The following EXT1 variants were observed in gnomAD, a reference collection of about 807,000 sequenced individuals.
The protein encoded by EXT1 is exostosin glycosyltransferase 1.
EXT1 carries 20 observed loss-of-function variants against 82.5 expected under a neutral mutation model. That is an observed-to-expected ratio of 0.24 (90% CI 0.17 to 0.35). The LOEUF (loss-of-function observed/expected upper bound fraction) is 0.35, where lower values mean the gene tolerates loss of function less well. Among genes scored for constraint, EXT1 ranks in the 10% least tolerant of loss-of-function variants. The pLI is 1.00. For missense variants in EXT1, 757 were observed against 936.5 expected (o/e 0.81, Z 2.50); for synonymous variants, 348 against 350.8 (o/e 0.99, Z 0.09).
intron 1 of EXT1, among the ~76,000 whole-genome samples, chr8:117,912,979 T>G (rs1011301231): frequency 3.9e-5 from 6 of 152,068 alleles, no homozygotes; most frequent in Non-Finnish European, 8.8e-5. Context: ...ATCCCAGCAC[T>G]TTGGGAGGCT....
chr8:117,973,821 G>T (rs1586318519), intron 1 of EXT1, among the ~76,000 whole-genome samples: 1 of 89,210 alleles, frequency 1.1e-5, no homozygotes, highest in Admixed American at 1.1e-4. Flanking sequence ...GAAAGGAAAG[G>T]AAAGGAAAGG....
At chr8:117,879,679 C>T (rs1813028596) in intron 1 of EXT1, among the ~76,000 whole-genome samples, 1 of 152,122 alleles carries the variant, frequency 6.6e-6, no homozygotes, top group Non-Finnish European at 1.5e-5. Context: ...AAAAGAGTGA[C>T]CAAGCAACTA....
Position 118,008,028 on chromosome 8 carries a change from A to G in EXT1, c.962+102057T>C, listed in dbSNP as rs558099207. On this transcript the variant is annotated intron_variant, in intron 1 of 10. Transcript: ENST00000378204. ...CTGTCTAGTCATGACGACCAAAACA[A>G]ATTAACTAATAATAAAAATCTGATG... is the stretch of plus-strand genomic sequence containing the variant. 7.2e-5 allele frequency among the ~76,000 whole-genome samples: 11 copies of G among 152,210 alleles called. 1 individual carries two copies. In the South Asian group the frequency reaches 2.3e-3, roughly 32 times the overall value.
chr8:118,022,927 A>G (rs535709807), intron 1 of EXT1, among the ~76,000 whole-genome samples: 1 of 152,286 alleles, frequency 6.6e-6, no homozygotes, highest in African/African-American at 2.4e-5. Context: ...GTATATTTTA[A>G]TATGTGATAA....
intron 1 of EXT1, among the ~76,000 whole-genome samples, chr8:117,940,253 T>C (rs1814245583): frequency 6.6e-6 from 1 of 152,196 alleles, no homozygotes; most frequent in Non-Finnish European, 1.5e-5. Flanking sequence ...ACTAGTGAGA[T>C]GACATAGGCC....
intron 1 of EXT1, among the ~76,000 whole-genome samples, chr8:118,093,110 G>A (rs1817550504): frequency 6.6e-6 from 1 of 151,924 alleles, no homozygotes; most frequent in Non-Finnish European, 1.5e-5. Flanking sequence ...TGAACTAGAA[G>A]AAAGAAATTT....
chr8:117,843,374 G>A (rs1812302752), intron 1 of EXT1, among the ~76,000 whole-genome samples: 1 of 152,214 alleles, frequency 6.6e-6, no homozygotes, highest in Non-Finnish European at 1.5e-5. Context: ...GTTATACAGA[G>A]AAGAGAAGCA....
chr8:118,093,385 G>T (rs1345885671), intron 1 of EXT1, among the ~76,000 whole-genome samples: 1 of 151,486 alleles, frequency 6.6e-6, no homozygotes, highest in Non-Finnish European at 1.5e-5. Flanking sequence ...CTTGAGCCAA[G>T]CACTATCAAA....
intron 1 of EXT1, among the ~76,000 whole-genome samples, chr8:117,847,344 C>G (rs1201843447): frequency 6.6e-6 from 1 of 152,118 alleles, no homozygotes; most frequent in East Asian, 1.9e-4. Context: ...AATGAAAAAT[C>G]GTGTTATTTA....
chr8:117,809,233 A>G (rs1165202583), intron 8 of EXT1, among the ~76,000 whole-genome samples: 2 of 135,792 alleles, frequency 1.5e-5, no homozygotes, highest in African/African-American at 5.2e-5. Context: ...ATATATATAT[A>G]TATATATATA....
intron 1 of EXT1, among the ~76,000 whole-genome samples, chr8:117,853,064 G>A (rs536250420): frequency 6.6e-6 from 1 of 152,316 alleles, no homozygotes; most frequent in Non-Finnish European, 1.5e-5. Context: ...AGTGCTTTGA[G>A]CAGTGCTGAC....
chr8:118,022,330 T>C (rs940488220), intron 1 of EXT1, among the ~76,000 whole-genome samples: 54 of 95,918 alleles, frequency 5.6e-4, no homozygotes, highest in South Asian at 1.5e-3. Context: ...TATATTCTTT[T>C]TTTTTTTTTT....
chr8:118,058,547 G>T (rs1241227524), intron 1 of EXT1, among the ~76,000 whole-genome samples: 1 of 152,152 alleles, frequency 6.6e-6, no homozygotes, highest in African/African-American at 2.4e-5. Context: ...ATCTAAGACT[G>T]TTTGGAGTTC....
chr8:117,847,138 A>G (rs1234624454), intron 1 of EXT1, among the ~76,000 whole-genome samples: 2 of 152,188 alleles, frequency 1.3e-5, no homozygotes, highest in Non-Finnish European at 2.9e-5. Context: ...AAATGAATGT[A>G]AGGTGCTCAG....
chr8:118,014,349 ATT>A (rs1339622907), intron 1 of EXT1, among the ~76,000 whole-genome samples: 3 of 152,282 alleles, frequency 2.0e-5, no homozygotes, highest in South Asian at 4.2e-4. Flanking sequence ...CAAAAAGGTC[ATT>A]TTTGGTCTGC....
At chr8:117,964,748 C>T (rs1814772740) in intron 1 of EXT1, among the ~76,000 whole-genome samples, 1 of 152,142 alleles carries the variant, frequency 6.6e-6, no homozygotes, top group Non-Finnish European at 1.5e-5. Context: ...AGTGATTCTC[C>T]TGTCTCAGCC....
Position 117,809,224 on chromosome 8 carries a change from T to C in EXT1, c.1723-1847A>G, listed in dbSNP as rs1029570451. Among the ~76,000 whole-genome samples, 226 of 132,986 alleles carry C rather than the reference T, an allele frequency of 1.7e-3. 5 individuals carry two copies. The highest frequency in any genetic ancestry group is 5.8e-3 in the African/African-American group (219 of 38,008). The allele number at this position is 132,986 out of a possible 152,430, so 87.2% of individuals were successfully genotyped here. On this transcript the variant is annotated intron_variant, in intron 8 of 10. Coordinates refer to ENST00000378204, the MANE Select transcript of EXT1 (RefSeq NM_000127.3). The stretch of plus-strand genomic sequence containing the variant: ...ATATGTGTGTGTGTGTATAAATATA[T>C]ATATATATATATATATATATTATGT...
intron 1 of EXT1, among the ~76,000 whole-genome samples, chr8:118,008,420 T>C (rs1815825478): frequency 6.6e-6 from 1 of 152,144 alleles, no homozygotes; most frequent in Middle Eastern, 3.4e-3. Context: ...CCACCATGCC[T>C]GGCTAACTTT....
At chr8:118,046,831 T>C (rs1253054034) in intron 1 of EXT1, among the ~76,000 whole-genome samples, 2 of 152,128 alleles carry the variant, frequency 1.3e-5, no homozygotes, top group East Asian at 3.9e-4. Flanking sequence ...AAAGAAAAGA[T>C]CGTGCAGAAA....
Sources: allele counts gnomAD v4.1 joint callset (sites outside exome capture counted in the v4.1 genomes callset), GRCh38; gene constraint gnomAD v4.1.1; transcripts MANE v1.5; gene names NCBI Gene and HGNC (gene_info 2026-07-23, HGNC 2026-07-21).